ATP11B: variants seen among roughly 807,000 people sequenced by gnomAD.
ATP11B encodes the protein phospholipid-transporting ATPase IF.
In ATP11B, 81 loss-of-function variants were observed where a neutral mutation model predicts 157.8. The ratio of observed to expected loss-of-function variants is 0.51; its 90% CI spans 0.43 to 0.62. The LOEUF is 0.62. ATP11B is among the 20% of genes least tolerant of loss of function. The probability of loss-of-function intolerance (pLI) is 0.00; values close to 1 mark genes in which losing one functional copy is unlikely to be tolerated. For synonymous variants in ATP11B, 451 were observed against 469.4 expected, an observed-to-expected ratio of 0.96 and a Z score of 0.51; for missense variants, 1,165 against 1,402.2, an observed-to-expected ratio of 0.83 and a Z score of 2.70.
In ATP11B at chr3:182,912,363, C is replaced by T. The variant is rs549545052; in HGVS notation, c.3319-1498C>T. Among the ~76,000 whole-genome samples the T allele has an allele frequency of 4.9e-4, 74 of 152,060 alleles. 1 individual carries two copies. Among genetic ancestry groups the T allele is most frequent in the Non-Finnish European group, 9.0e-4 (61 of 68,012 alleles). ...TTCCCCCATGGAGATGACCATGTAT[C>T]CTGACTTCACAGTCCTCTACTTTAA... On this transcript the variant is annotated intron_variant, in intron 28 of 29. Transcript: ENST00000323116.
chr3:182,811,360 C>A (rs1051368239), intron 1 of ATP11B, among the ~76,000 whole-genome samples: 14 of 152,228 alleles, frequency 9.2e-5, no homozygotes, highest in African/African-American at 3.1e-4. Flanking sequence ...GCAAACATGG[C>A]GTCTGGAAGT....
chr3:182,886,134 G>T, intron 23 of ATP11B, 124 bp downstream of exon 23: 1 of 519,188 alleles, frequency 1.9e-6, no homozygotes. Flanking sequence ...GAACCAGACA[G>T]AACTTTTCTG....
intron 10 of ATP11B, among the ~76,000 whole-genome samples, chr3:182,857,246 T>A (rs1720474150): frequency 6.6e-6 from 1 of 152,104 alleles, no homozygotes. Flanking sequence ...CCCGAGTTCA[T>A]GCCATTCTCC....
chr3:182,909,551 T>G (rs933420417), intron 28 of ATP11B, among the ~76,000 whole-genome samples: 6 of 152,210 alleles, frequency 3.9e-5, no homozygotes, highest in Non-Finnish European at 7.3e-5. Flanking sequence ...CTCCTTACTT[T>G]GAATGAAATG....
At chr3:182,819,079 CTTT>C (rs11398702) in intron 1 of ATP11B, among the ~76,000 whole-genome samples, 2 of 135,218 alleles carry the variant, frequency 1.5e-5, no homozygotes. Flanking sequence ...TCTAATATTT[CTTT>C]TTTTTTTTTT....
At chr3:182,806,023 T>G (rs891371519) in intron 1 of ATP11B, among the ~76,000 whole-genome samples, 1 of 152,206 alleles carries the variant, frequency 6.6e-6, no homozygotes, top group African/African-American at 2.4e-5. Flanking sequence ...CTCTTTCTTC[T>G]GGATTTAATT....
In ATP11B at chr3:182,915,216, A is replaced by G. The variant is rs114513455; in HGVS notation, c.3452+1222A>G. 10 of 985,368 alleles carry G rather than the reference A, an allele frequency of 1.0e-5. No individual in the cohort carries two copies. In the East Asian group the frequency reaches 1.1e-3, roughly 112 times the overall value. The allele number at this position is 985,368 out of a possible 1,614,324, so 61.0% of individuals were successfully genotyped here. ...TTTAGCTTAGCCATGCCTTTATGAT[A>G]CAATTGAATTTATAAATAGCATTCT... On this transcript the variant is annotated intron_variant, in intron 29 of 29. Transcript: ENST00000323116.
intron 28 of ATP11B, among the ~76,000 whole-genome samples, chr3:182,912,806 G>A (rs1724883526): frequency 6.6e-6 from 1 of 152,150 alleles, no homozygotes; most frequent in Non-Finnish European, 1.5e-5. Context: ...CCCAACCTTC[G>A]TGGAAGTGCA....
At position 182,898,713 on chromosome 3, in the gene ATP11B, G is replaced by C. The variant is rs768006061; in HGVS notation, c.3259G>C (p.Asp1087His). 1 of 1,598,108 alleles carries C rather than the reference G, an allele frequency of 6.3e-7. No homozygotes were observed. Among genetic ancestry groups the C allele is most frequent in the Non-Finnish European group, 8.5e-7 (1 of 1,172,262 alleles). ...CATGGTTGTTACATGTCTATTTCTT[G>C]ATATCATAAAGAAGGTCTTTGACCG... ...ILMVVTCLFL[D>H]IIKKVFDRHL... Residue 1087 changes from aspartate (D) to histidine (H), a missense_variant, in exon 28 of 30, where the codon GAT becomes CAT. Physicochemically the swap from Asp to His is moderately conservative, Grantham distance 81. Transcript: ENST00000323116.
chr3:182,848,698 T>G, intron 10 of ATP11B, 141 bp downstream of exon 10: 1 of 320,150 alleles, frequency 3.1e-6, no homozygotes, highest in Non-Finnish European at 5.3e-6. Flanking sequence ...CTTATATTTT[T>G]ACATACAAGT....
intron 25 of ATP11B, among the ~76,000 whole-genome samples, chr3:182,894,937 G>A (rs1723429273): frequency 6.7e-6 from 1 of 150,330 alleles, no homozygotes; most frequent in African/African-American, 2.5e-5. Context: ...GGGCAACATG[G>A]TGAAAGCCCA....
chr3:182,867,820 C>A (rs1476584909), intron 15 of ATP11B, among the ~76,000 whole-genome samples: 1 of 152,116 alleles, frequency 6.6e-6, no homozygotes, highest in Non-Finnish European at 1.5e-5. Flanking sequence ...ATCCACCCAC[C>A]TTGGCCTCCC....
At chr3:182,877,229 G>T (rs1459670738) in intron 19 of ATP11B, among the ~76,000 whole-genome samples, 2 of 152,210 alleles carry the variant, frequency 1.3e-5, no homozygotes, top group Non-Finnish European at 2.9e-5. Context: ...GAGAAGCCTA[G>T]CCTAGACCAG....
At chr3:182,832,048 A>G (rs1026579687) in intron 4 of ATP11B, among the ~76,000 whole-genome samples, 7 of 152,186 alleles carry the variant, frequency 4.6e-5, no homozygotes, top group Admixed American at 4.6e-4. Flanking sequence ...TTCCCAATGT[A>G]TATTTGGCCA....
Position 182,886,003 on chromosome 3 carries a change from C to G in ATP11B, c.2708C>G (p.Ser903Cys). ...TTATATCAGTTCTACTGTTTGTTTT[C>G]TCAGCAAGTAAGTAAATAGAAACTT... ...QFLYQFYCLF[S>C]QQTLYDSVYL... The change falls in exon 23 of 30, where the codon TCT (serine) becomes TGT (cysteine). Residue 903 changes from serine (S) to cysteine (C), a missense_variant. By Grantham distance (112) the Ser-to-Cys change is moderately radical. Coordinates refer to ENST00000323116, the MANE Select transcript of ATP11B (RefSeq NM_014616.3). The G allele has an allele frequency of 6.7e-7, 1 of 1,484,634 alleles. No individual in the cohort carries two copies. The highest frequency in any genetic ancestry group is 8.9e-7 in the Non-Finnish European group (1 of 1,125,950). 92.0% of individuals were successfully genotyped at this position (1,484,634 alleles called of 1,614,324 possible).
In ATP11B at chr3:182,859,144, T is replaced by C; in HGVS notation, c.1003-18T>C. On this transcript the variant is annotated intron_variant, in intron 11 of 29. Transcript: ENST00000323116. Reference sequence around the variant, plus strand: ...TAGTTTATTTTTTCTTTTCAAACAATTATTTCCTTTTTTCTAGATTCTGAG... The same window carrying C: ...TAGTTTATTTTTTCTTTTCAAACAACTATTTCCTTTTTTCTAGATTCTGAG... 1 of 1,561,380 alleles carries C rather than the reference T, an allele frequency of 6.4e-7. No individual in the cohort carries two copies. Among genetic ancestry groups the C allele is most frequent in the South Asian group, 1.2e-5 (1 of 85,056 alleles).
In ATP11B at chr3:182,915,933, T is replaced by G. The variant is rs1725112205; in HGVS notation, c.3452+1939T>G. 8.2e-6 allele frequency: 8 copies of G among 979,970 alleles called. No homozygotes were observed. In the South Asian group the frequency reaches 3.3e-4, roughly 40 times the overall value. The allele number at this position is 979,970 out of a possible 1,614,324, so 60.7% of individuals were successfully genotyped here. A position where few individuals can be genotyped will look rare whatever the true frequency, so the allele number is the denominator to read the frequency against. On this transcript the variant is annotated intron_variant, in intron 29 of 29. Coordinates refer to ENST00000323116, the MANE Select transcript of ATP11B (RefSeq NM_014616.3). ...ATATCATATTAGACTATAAATGCCC[T>G]TCCAGGTTTCTCCAACATCACAGGT... is the stretch of plus-strand genomic sequence containing the variant.
rs748865702 is a variant in ATP11B at position 182,865,574 on chromosome 3, G to A, written c.1319G>A (p.Gly440Glu). Residue 440 changes from glycine (G) to glutamate (E), a missense_variant, in exon 13 of 30, where the codon GGA (glycine) becomes GAA (glutamate). Gly to Glu is a moderately conservative substitution (Grantham distance 98). Around this residue, in one of 4 missense-constraint regions of ATP11B, gnomAD observed 737 missense variants for 930.5 expected, o/e 0.79. Coordinates refer to ENST00000323116, the MANE Select transcript of ATP11B (RefSeq NM_014616.3). ...QEINGRLVPE[G>E]PTPDSSEGNL... ...ATTAATGGTAGACTTGTACCCGAAG[G>A]ACCAACACCAGACTCTTCAGAAGGA... 3 of 1,613,700 alleles carry A rather than the reference G, an allele frequency of 1.9e-6. No individual in the cohort carries two copies. The highest frequency in any genetic ancestry group is 2.5e-6 in the Non-Finnish European group (3 of 1,179,870).
In ATP11B at chr3:182,865,561, C is replaced by G. The variant is rs201531019; in HGVS notation, c.1306C>G (p.Leu436Val). 378 of 1,613,720 alleles carry G rather than the reference C, an allele frequency of 2.3e-4. No individual in the cohort carries two copies. Among genetic ancestry groups the G allele is most frequent in the Non-Finnish European group, 2.9e-4 (342 of 1,179,846 alleles). Residue 436 changes from leucine to valine, a missense_variant, in exon 13 of 30, where the codon CTT becomes GTT. Around this residue, in one of 4 missense-constraint regions of ATP11B, gnomAD observed 737 missense variants for 930.5 expected, o/e 0.79. Transcript: ENST00000323116. ...GAAATACCAAGAAATTAATGGTAGA[C>G]TTGTACCCGAAGGACCAACACCAGA... Reference protein sequence around the residue: ...GMKYQEINGRLVPEGPTPDSS... With the variant: ...GMKYQEINGRVVPEGPTPDSS...
Sources: gnomAD v4.1 joint callset for allele counts (sites outside exome capture counted in the v4.1 genomes callset) on GRCh38, gnomAD v4.1.1 for gene constraint, gnomAD v4.1.1 regional missense constraint, MANE v1.5 for transcripts, NCBI Gene and HGNC (gene_info 2026-07-23, HGNC 2026-07-21) for gene names.